SHISAL1: variants seen among roughly 807,000 people sequenced by gnomAD.
The protein encoded by SHISAL1 is protein shisa-like-1.
SHISAL1 carries 9 observed loss-of-function variants against 22.6 expected under a neutral mutation model. The observed-to-expected ratio is 0.40, with a 90% CI of 0.24 to 0.70. The LOEUF (loss-of-function observed/expected upper bound fraction) is 0.70. SHISAL1 is among the 30% of genes least tolerant of loss of function. The pLI is 0.39. For missense variants in SHISAL1, 246 were observed against 270.6 expected (o/e 0.91, Z 0.64); for synonymous variants, 119 against 115.4 (o/e 1.03, Z -0.20).
At position 44,249,696 on chromosome 22, in the gene SHISAL1, T is replaced by C. The variant is rs1183070522; in HGVS notation, c.*-11A>G. ...CAGCAAAAGCGTTTTCTGGAGGAAA[T>C]ACAAGGAAAAAAAGTATCACATGGT... On this transcript the variant is annotated splice_polypyrimidine_tract_variant and intron_variant, in intron 4 of 4. Coordinates refer to ENST00000381176, the MANE Select transcript of SHISAL1 (RefSeq NM_001099294.2). The C allele has an allele frequency of 5.2e-6, 4 of 774,162 alleles. No homozygotes were observed. Among genetic ancestry groups the C allele is most frequent in the South Asian group, 1.3e-5 (1 of 74,444 alleles). 48.0% of individuals were successfully genotyped at this position (774,162 alleles called of 1,614,324 possible).
intron 4 of SHISAL1, among the ~76,000 whole-genome samples, chr22:44,254,064 C>A (rs1177983731): frequency 1.3e-5 from 2 of 151,996 alleles, no homozygotes; most frequent in Admixed American, 6.6e-5. Context: ...ACTTAGATAA[C>A]CTTGAGTTAG....
At chr22:44,312,018 C>T (rs1402615545) in intron 1 of SHISAL1, among the ~76,000 whole-genome samples, 1 of 152,108 alleles carries the variant, frequency 6.6e-6, no homozygotes, top group African/African-American at 2.4e-5. Flanking sequence ...GCATGGCGCT[C>T]GCCTCGGGGT....
rs2054975576 is a variant in SHISAL1 at position 44,243,834 on chromosome 22, A to T, written c.*5851T>A. The T allele has an allele frequency of 1.3e-5, 2 of 152,214 alleles. No homozygotes were observed. Among genetic ancestry groups the T allele is most frequent in the African/African-American group, 4.8e-5 (2 of 41,442 alleles). The allele number at this position is 152,214 out of a possible 1,614,324, so 9.4% of individuals were successfully genotyped here. A position where few individuals can be genotyped will look rare whatever the true frequency, so the allele number is the denominator to read the frequency against. The stretch of plus-strand genomic sequence containing the variant: ...ATTATTGGTTTTGGTTTTCCCGGTT[A>T]TCAGCTCTCAGGGAGACCCCATGCC... On this transcript the variant is annotated 3_prime_UTR_variant, in exon 5 of 5. Coordinates refer to ENST00000381176, the MANE Select transcript of SHISAL1 (RefSeq NM_001099294.2).
At chr22:44,281,914 C>A (rs557101940) in intron 4 of SHISAL1, among the ~76,000 whole-genome samples, 2 of 152,328 alleles carry the variant, frequency 1.3e-5, no homozygotes, top group South Asian at 4.1e-4. Flanking sequence ...GGGCGGGGGA[C>A]GGCACAACGC....
chr22:44,283,007 G>A (rs1368502692), intron 4 of SHISAL1, among the ~76,000 whole-genome samples: 2 of 152,168 alleles, frequency 1.3e-5, no homozygotes, highest in African/African-American at 2.4e-5. Flanking sequence ...TGGAGTGGCA[G>A]GAAAGGAGGC....
intron 3 of SHISAL1, among the ~76,000 whole-genome samples, chr22:44,287,538 G>A (rs746801365): frequency 3.3e-5 from 5 of 152,108 alleles, no homozygotes; most frequent in Non-Finnish European, 5.9e-5. Context: ...CGTCCTTGCT[G>A]CCTCCTTGCC....
At chr22:44,304,763 C>T (rs1241444612) in intron 1 of SHISAL1, among the ~76,000 whole-genome samples, 2 of 152,120 alleles carry the variant, frequency 1.3e-5, no homozygotes, top group South Asian at 2.1e-4. Flanking sequence ...TGACGGGACC[C>T]CTGAGATGCC....
chr22:44,277,661 G>A (rs540933963), intron 4 of SHISAL1, among the ~76,000 whole-genome samples: 40 of 152,282 alleles, frequency 2.6e-4, no homozygotes, highest in Non-Finnish European at 5.7e-4. Flanking sequence ...GACCCTGGGC[G>A]TGAGACAGAG....
chr22:44,291,367 C>A (rs962981071), intron 3 of SHISAL1, among the ~76,000 whole-genome samples: 2 of 152,202 alleles, frequency 1.3e-5, no homozygotes, highest in African/African-American at 4.8e-5. Context: ...ATACGGCTGA[C>A]CCAAACCCTG....
chr22:44,295,584 G>C (rs1418634784), intron 3 of SHISAL1, among the ~76,000 whole-genome samples: 1 of 151,932 alleles, frequency 6.6e-6, no homozygotes, highest in African/African-American at 2.4e-5. Context: ...GCAGTATAAA[G>C]TCAAAGTCAC....
At chr22:44,281,396 T>C (rs135398) in intron 4 of SHISAL1, among the ~76,000 whole-genome samples, 82,646 of 151,804 alleles carry the variant, frequency 0.54, 23,272 homozygotes, top group Non-Finnish European at 0.62. Flanking sequence ...AGGGCCTGGC[T>C]GGGCTGAATA....
At chr22:44,307,147 A>C (rs2055485262) in intron 1 of SHISAL1, among the ~76,000 whole-genome samples, 1 of 152,162 alleles carries the variant, frequency 6.6e-6, no homozygotes, top group Admixed American at 6.5e-5. Flanking sequence ...GCCGTCCTCC[A>C]TCCTCCTGTG....
At chr22:44,319,306 T>C in the SHISAL1 span, among the ~76,000 whole-genome samples, 26 of 152,202 alleles carry the variant, frequency 1.7e-4, no homozygotes, top group Non-Finnish European at 2.8e-4. Context: ...GGAGAGATTG[T>C]GTTGCCTGCC....
At chr22:44,264,020 G>A (rs922354789) in intron 4 of SHISAL1, among the ~76,000 whole-genome samples, 3 of 152,170 alleles carry the variant, frequency 2.0e-5, no homozygotes, top group Non-Finnish European at 2.9e-5. Flanking sequence ...GATGACGGCC[G>A]GAAGGTGGAA....
chr22:44,277,558 C>T (rs944167893), intron 4 of SHISAL1, among the ~76,000 whole-genome samples: 16 of 152,306 alleles, frequency 1.1e-4, no homozygotes, highest in East Asian at 3.9e-4. Context: ...ATCGCTGGGC[C>T]GCACCTCCTA....
intron 4 of SHISAL1, among the ~76,000 whole-genome samples, chr22:44,259,219 G>A (rs566570386): frequency 2.0e-5 from 3 of 152,198 alleles, no homozygotes; most frequent in African/African-American, 4.8e-5. Context: ...CGAGGCGGGC[G>A]GATCACGAGG....
At chr22:44,276,844 A>G (rs1601788371) in intron 4 of SHISAL1, among the ~76,000 whole-genome samples, 1 of 121,386 alleles carries the variant, frequency 8.2e-6, no homozygotes. Flanking sequence ...GGTGGAAATG[A>G]GAGAGAAGTG....
chr22:44,247,164 A>C lies in SHISAL1; in HGVS notation c.*2521T>G, dbSNP rs373135983. On this transcript the variant is annotated 3_prime_UTR_variant, in exon 5 of 5. Coordinates refer to ENST00000381176, the MANE Select transcript of SHISAL1 (RefSeq NM_001099294.2). Reference sequence around the variant, plus strand: ...AAGGCCACCAGTTCCTTTTTGGCAGAGGAAGCACCTACAGAGCATTGTCCA... The same window carrying C: ...AAGGCCACCAGTTCCTTTTTGGCAGCGGAAGCACCTACAGAGCATTGTCCA... 2.6e-4 allele frequency: 40 copies of C among 152,602 alleles called. No homozygotes were observed. Among genetic ancestry groups the C allele is most frequent in the African/African-American group, 9.4e-4 (39 of 41,558 alleles). 9.5% of individuals were successfully genotyped at this position (152,602 alleles called of 1,614,324 possible). A position where few individuals can be genotyped will look rare whatever the true frequency, so the allele number is the denominator to read the frequency against.
rs903182144 is a variant in SHISAL1 at position 44,285,552 on chromosome 22, C to A, written c.475G>T (p.Gly159Cys). Residue 159 changes from glycine to cysteine, a missense_variant, in exon 4 of 5, where the codon GGT becomes TGT. Physicochemically the swap from Gly to Cys is radical, Grantham distance 159. Coordinates refer to ENST00000381176, the MANE Select transcript of SHISAL1 (RefSeq NM_001099294.2). ...GGCTGCGGCTGTGGGGCCCGCTGAC[C>A]CGGCCGAGGGGCCCGAGCGGGGTTC... ...WGNPARAPRP[G>C]QRAPQPQPPP... 1 of 1,538,308 alleles carries A rather than the reference C, an allele frequency of 6.5e-7. No homozygotes were observed. Among genetic ancestry groups the A allele is most frequent in the Non-Finnish European group, 9.0e-7 (1 of 1,114,666 alleles).
Sources: gnomAD v4.1 joint callset for allele counts (sites outside exome capture counted in the v4.1 genomes callset) on GRCh38, gnomAD v4.1.1 for gene constraint, MANE v1.5 for transcripts, NCBI Gene and HGNC (gene_info 2026-07-23, HGNC 2026-07-21) for gene names.